Variants in ZNF503 observed in about 807,000 individuals in gnomAD.
The protein encoded by ZNF503 is zinc finger protein 503.
Under a neutral mutation model 34.4 loss-of-function variants are expected in ZNF503, and 15 were observed. That is an observed-to-expected ratio of 0.44 (90% confidence interval 0.29 to 0.67). The LOEUF (loss-of-function observed/expected upper bound fraction) is 0.67. Among genes scored for constraint, ZNF503 ranks in the 30% least tolerant of loss-of-function variants. ZNF503 has a pLI of 0.13. For synonymous variants in ZNF503, 580 were observed against 456.8 expected, an observed-to-expected ratio of 1.27 and a Z score of -3.44; for missense variants, 1,007 against 926.8, an observed-to-expected ratio of 1.09 and a Z score of -1.12.
At chr10:75,349,820 C>CA in the ZNF503 span, among the ~76,000 whole-genome samples, 7 of 151,838 alleles carry the variant, frequency 4.6e-5, no homozygotes, top group African/African-American at 1.2e-4. Flanking sequence ...GTTTATTGAA[C>CA]AAAAAAAATG....
the ZNF503 span, among the ~76,000 whole-genome samples, chr10:75,354,683 C>A: frequency 6.6e-6 from 1 of 152,096 alleles, no homozygotes; most frequent in Non-Finnish European, 1.5e-5. Flanking sequence ...GCACTCCAGT[C>A]TGGGAGACAG....
the ZNF503 span, among the ~76,000 whole-genome samples, chr10:75,293,034 G>A: frequency 6.6e-6 from 1 of 152,244 alleles, no homozygotes; most frequent in Non-Finnish European, 1.5e-5. Flanking sequence ...GGGTTGCAGG[G>A]ATAGGTGTTA....
At chr10:75,335,943 C>T in the ZNF503 span, among the ~76,000 whole-genome samples, 2 of 152,228 alleles carry the variant, frequency 1.3e-5, no homozygotes, top group South Asian at 2.1e-4. Flanking sequence ...CTGTTCAAGA[C>T]TAAGACATCT....
chr10:75,400,159 C>A lies in ZNF503; in HGVS notation c.531G>T (p.Pro177=). The change falls in exon 2 of 2, where the codon CCG becomes CCT. Residue 177 remains proline, a synonymous_variant. Coordinates refer to ENST00000372524, the MANE Select transcript of ZNF503 (RefSeq NM_032772.6). ...IGVEDKSSFK[P]YSKPGSDKKE... ...TCTTATCCGAGCCGGGTTTGGAGTA[C>A]GGCTTGAAACTCGACTTGTCCTCCA... The A allele has an allele frequency of 6.4e-7, 1 of 1,559,852 alleles. No homozygotes were observed. Among genetic ancestry groups the A allele is most frequent in the Non-Finnish European group, 8.7e-7 (1 of 1,153,034 alleles).
At chr10:75,400,935 C>G (rs889531324) in intron 1 of ZNF503, 170 bp downstream of exon 1, 1 of 995,582 alleles carries the variant, frequency 1.0e-6, no homozygotes, top group Non-Finnish European at 1.5e-6. Flanking sequence ...ATTCCACTTC[C>G]TCCCCCTTTT....
At chr10:75,344,056 A>T in the ZNF503 span, among the ~76,000 whole-genome samples, 1 of 152,196 alleles carries the variant, frequency 6.6e-6, no homozygotes, top group Non-Finnish European at 1.5e-5. Flanking sequence ...GTCCTTAATC[A>T]GTCTATAGCT....
At chr10:75,306,012 A>T in the ZNF503 span, among the ~76,000 whole-genome samples, 5 of 152,202 alleles carry the variant, frequency 3.3e-5, no homozygotes, top group Admixed American at 3.3e-4. Flanking sequence ...GGGTGTACAG[A>T]TATCTCTTCA....
the ZNF503 span, among the ~76,000 whole-genome samples, chr10:75,338,075 C>A: frequency 6.6e-6 from 1 of 152,144 alleles, no homozygotes; most frequent in East Asian, 1.9e-4. Flanking sequence ...TAGAAATGGA[C>A]CTCAGAGATC....
the ZNF503 span, among the ~76,000 whole-genome samples, chr10:75,350,100 A>G: frequency 6.6e-6 from 1 of 152,228 alleles, no homozygotes; most frequent in Non-Finnish European, 1.5e-5. Context: ...TTATGTGGTT[A>G]TATATGGATT....
chr10:75,378,317 A>G, the ZNF503 span, among the ~76,000 whole-genome samples: 4 of 152,100 alleles, frequency 2.6e-5, no homozygotes, highest in African/African-American at 9.7e-5. Flanking sequence ...ATGGGCAGGA[A>G]GCTCCTCAAA....
chr10:75,375,523 C>A, the ZNF503 span, among the ~76,000 whole-genome samples: 4 of 151,922 alleles, frequency 2.6e-5, no homozygotes, highest in African/African-American at 7.3e-5. Context: ...CTTTCTTTTT[C>A]CTTTTCTTTT....
downstream of ZNF503, among the ~76,000 whole-genome samples, chr10:75,395,556 C>G (rs1031999761): frequency 2.6e-4 from 40 of 152,222 alleles, no homozygotes; most frequent in African/African-American, 9.6e-4. The surrounding 1 kb of genome is among the most constrained non-coding windows in gnomAD (Gnocchi z 4.4). Flanking sequence ...GATCCCGCGG[C>G]TGTTCGGGAA....
At chr10:75,297,291 T>C in the ZNF503 span, among the ~76,000 whole-genome samples, 2 of 152,072 alleles carry the variant, frequency 1.3e-5, no homozygotes, top group South Asian at 2.1e-4. Flanking sequence ...CTAGGCTGCA[T>C]TGAAAAATGT....
chr10:75,364,681 A>T, the ZNF503 span, among the ~76,000 whole-genome samples: 1 of 152,224 alleles, frequency 6.6e-6, no homozygotes, highest in Non-Finnish European at 1.5e-5. Context: ...GACGTTTCAT[A>T]AGTCTCATCA....
At chr10:75,284,432 G>T in the ZNF503 span, among the ~76,000 whole-genome samples, 1 of 151,936 alleles carries the variant, frequency 6.6e-6, no homozygotes, top group Non-Finnish European at 1.5e-5. Context: ...ACTGGGTTGG[G>T]GGAAGGGGAC....
chr10:75,321,590 G>A, the ZNF503 span, among the ~76,000 whole-genome samples: 1 of 152,218 alleles, frequency 6.6e-6, no homozygotes, highest in Non-Finnish European at 1.5e-5. Flanking sequence ...AACTTATTGG[G>A]AAGTGGAACA....
the ZNF503 span, among the ~76,000 whole-genome samples, chr10:75,280,970 G>T: frequency 6.6e-6 from 1 of 152,202 alleles, no homozygotes; most frequent in Admixed American, 6.5e-5. Context: ...GAACTTCTCT[G>T]CCTGGCTGGA....
downstream of ZNF503, among the ~76,000 whole-genome samples, chr10:75,396,715 G>C (rs1419999978): frequency 2.0e-5 from 3 of 152,062 alleles, no homozygotes. This position sits in a 1 kb window ranked among gnomAD's most constrained non-coding sequence, Gnocchi z 4.4. Flanking sequence ...TCTCAGAGCT[G>C]TGACTCCACG....
chr10:75,395,451 T>G (rs1255072837), downstream of ZNF503, among the ~76,000 whole-genome samples: 2 of 152,024 alleles, frequency 1.3e-5, no homozygotes, highest in Non-Finnish European at 2.9e-5. This position sits in a 1 kb window ranked among gnomAD's most constrained non-coding sequence, Gnocchi z 4.4. Flanking sequence ...TGGCCGGGGT[T>G]CCAGGACTCC....
Sources: allele counts gnomAD v4.1 joint callset (sites outside exome capture counted in the v4.1 genomes callset), GRCh38; gene constraint gnomAD v4.1.1; non-coding constraint Gnocchi (gnomAD v3.1); transcripts MANE v1.5; gene names NCBI Gene and HGNC (gene_info 2026-07-23, HGNC 2026-07-21).